CLASP2: variants seen among roughly 807,000 people sequenced by gnomAD.
The protein encoded by CLASP2 is CLIP-associating protein 2.
In CLASP2, 47 loss-of-function variants were observed where a neutral mutation model predicts 194.4. The observed-to-expected ratio is 0.24, with a 90% CI of 0.19 to 0.31. CLASP2 has a LOEUF of 0.31. Among genes scored for constraint, CLASP2 ranks in the 10% least tolerant of loss-of-function variants. CLASP2 has a pLI of 1.00. For missense variants in CLASP2, 1,445 were observed against 1,823.6 expected, an observed-to-expected ratio of 0.79 and a Z score of 3.78; for synonymous variants, 619 against 633.5, an observed-to-expected ratio of 0.98 and a Z score of 0.34.
intron 26 of CLASP2, among the ~76,000 whole-genome samples, chr3:33,568,483 G>A (rs185646441): frequency 2.1e-5 from 3 of 145,256 alleles, no homozygotes; most frequent in Non-Finnish European, 4.5e-5. Context: ...GAACCCGGGA[G>A]GCGGAAGTTG....
chr3:33,645,362 G>A (rs764656110), intron 7 of CLASP2: 1 of 764,232 alleles, frequency 1.3e-6, no homozygotes, highest in Non-Finnish European at 2.4e-6. Context: ...GCTCCCAATA[G>A]TTCACATGGC....
chr3:33,567,015 C>T (rs1027752974), intron 26 of CLASP2, among the ~76,000 whole-genome samples: 5 of 151,896 alleles, frequency 3.3e-5, no homozygotes, highest in South Asian at 2.1e-4. Context: ...TCTTTTTTTT[C>T]CAGACCCTAT....
chr3:33,555,384 G>C (rs1408082682), intron 29 of CLASP2, among the ~76,000 whole-genome samples: 1 of 119,000 alleles, frequency 8.4e-6, no homozygotes, highest in African/African-American at 3.2e-5. Context: ...TTTTTTTTTT[G>C]AGATAAGGTC....
At chr3:33,625,363 AACACAC>A (rs779554126) in intron 10 of CLASP2, among the ~76,000 whole-genome samples, 2 of 150,142 alleles carry the variant, frequency 1.3e-5, no homozygotes, top group South Asian at 2.1e-4. Flanking sequence ...AGATTCCTAT[AACACAC>A]ACACACACAC....
Position 33,498,668 on chromosome 3 carries a change from C to A in CLASP2, c.4484G>T (p.Gly1495Val), listed in dbSNP as rs902138980. The A allele has an allele frequency of 6.2e-7, 1 of 1,613,238 alleles. No homozygotes were observed. The highest frequency in any genetic ancestry group is 8.5e-7 in the Non-Finnish European group (1 of 1,179,428). ...AGAAACATCAGTAGTGGGATCAGCT[C>A]CTCCAGAACCTGTTTGTGCACGTTT... ...YIKRAQTGSGGADPTTDVSGQ... is the reference protein window; with the variant it reads ...YIKRAQTGSGVADPTTDVSGQ... The change falls in exon 39 of 39, where the codon GGA becomes GTA. Residue 1495 changes from glycine (G) to valine (V), a missense_variant. By Grantham distance (109) the Gly-to-Val change is moderately radical. This residue lies in a region of CLASP2 where 732 missense variants were observed against 987.9 expected (regional missense o/e 0.74). Transcript: ENST00000682230.
chr3:33,696,763 T>C, intron 2 of CLASP2, 92 bp downstream of exon 2: 1 of 883,788 alleles, frequency 1.1e-6, no homozygotes. Flanking sequence ...TTTTTTAATT[T>C]ACAGAGAACT....
At chr3:33,572,419 ACAT>A (rs2063959343) in intron 25 of CLASP2, among the ~76,000 whole-genome samples, 1 of 152,224 alleles carries the variant, frequency 6.6e-6, no homozygotes, top group Admixed American at 6.5e-5. Flanking sequence ...GGAAGTAAGT[ACAT>A]CAAACTCTTA....
intron 2 of CLASP2, among the ~76,000 whole-genome samples, chr3:33,692,748 A>G (rs2091484760): frequency 6.6e-6 from 1 of 152,198 alleles, no homozygotes; most frequent in Non-Finnish European, 1.5e-5. Context: ...TTCAACAAAT[A>G]TTTATTGGGT....
chr3:33,548,763 C>CTTTTTTTTTTTTTT (rs57112524), intron 30 of CLASP2, among the ~76,000 whole-genome samples: 1 of 93,144 alleles, frequency 1.1e-5, no homozygotes, highest in African/African-American at 4.2e-5. Context: ...GGTTTCATTT[C>CTTTTTTTTTTTTTT]TTTTTTTTTT....
chr3:33,667,124 G>T (rs1449642528), intron 6 of CLASP2, among the ~76,000 whole-genome samples: 1 of 152,020 alleles, frequency 6.6e-6, no homozygotes, highest in African/African-American at 2.4e-5. Context: ...GAAGATATTT[G>T]ATTTTGGCCA....
chr3:33,520,819 C>CTACA (rs1310602421), intron 34 of CLASP2, among the ~76,000 whole-genome samples: 1 of 113,736 alleles, frequency 8.8e-6, no homozygotes, highest in Admixed American at 1.1e-4. Context: ...ATGTAAATCT[C>CTACA]TACACACACA....
chr3:33,703,326 T>C (rs1022318691), intron 1 of CLASP2, among the ~76,000 whole-genome samples: 2 of 152,136 alleles, frequency 1.3e-5, no homozygotes, highest in African/African-American at 2.4e-5. Context: ...AGATGTAAGA[T>C]ATATAAACAG....
intron 23 of CLASP2, 135 bp downstream of exon 23, chr3:33,581,686 T>C: frequency 1.6e-6 from 1 of 607,940 alleles, no homozygotes. Context: ...TAATTTCCTT[T>C]CCTCAAAATG....
At chr3:33,675,508 TC>T (rs2088385480) in intron 6 of CLASP2, among the ~76,000 whole-genome samples, 1 of 148,454 alleles carries the variant, frequency 6.7e-6, no homozygotes, top group South Asian at 2.2e-4. Flanking sequence ...CTGGAAGCAT[TC>T]CCTTTGAAAA....
In CLASP2 at chr3:33,633,447, T is replaced by C. The variant is rs142310254; in HGVS notation, c.863-1076A>G. Among the ~76,000 whole-genome samples, 78 of 152,240 alleles carry C rather than the reference T, an allele frequency of 5.1e-4. No homozygotes were observed. In the East Asian group the frequency reaches 0.011, roughly 21 times the overall value. On this transcript the variant is annotated intron_variant, in intron 8 of 38. Transcript: ENST00000682230. The stretch of plus-strand genomic sequence containing the variant: ...GGAATAAATCTTCTCTGGGAGAAAG[T>C]TGTTTCTGGTAGGCCCAAAGGACTC...
At chr3:33,654,632 G>C (rs1305410959) in intron 7 of CLASP2, among the ~76,000 whole-genome samples, 1 of 151,628 alleles carries the variant, frequency 6.6e-6, no homozygotes. Flanking sequence ...AGAAGTAAAA[G>C]AATCAAATAG....
intron 6 of CLASP2, among the ~76,000 whole-genome samples, chr3:33,665,795 G>A (rs942105183): frequency 1.3e-5 from 2 of 151,890 alleles, no homozygotes; most frequent in Non-Finnish European, 2.9e-5. Flanking sequence ...AAAAACAAAC[G>A]CATTTATAAT....
At chr3:33,587,019 G>C (rs2067539188) in intron 21 of CLASP2, among the ~76,000 whole-genome samples, 1 of 152,188 alleles carries the variant, frequency 6.6e-6, no homozygotes, top group Non-Finnish European at 1.5e-5. Flanking sequence ...TTTCAAAAAT[G>C]AAAGCTTTGA....
intron 30 of CLASP2, 58 bp from the exon 31 acceptor site, chr3:33,544,899 T>C (rs1303687141): frequency 7.7e-7 from 1 of 1,291,036 alleles, no homozygotes; most frequent in African/African-American, 1.5e-5. Context: ...ACAAGACCGT[T>C]TTCTTCCCCT....
Sources: gnomAD v4.1 joint callset for allele counts (sites outside exome capture counted in the v4.1 genomes callset) on GRCh38, gnomAD v4.1.1 for gene constraint, gnomAD v4.1.1 regional missense constraint, MANE v1.5 for transcripts, NCBI Gene and HGNC (gene_info 2026-07-23, HGNC 2026-07-21) for gene names.